SUGCT: variants seen among roughly 807,000 people sequenced by gnomAD.
The protein encoded by SUGCT is succinyl-CoA:glutarate CoA-transferase.
SUGCT carries 41 observed loss-of-function variants against 55.0 expected under a neutral mutation model. The ratio of observed to expected loss-of-function variants is 0.74; its 90% CI spans 0.58 to 0.97. The LOEUF (loss-of-function observed/expected upper bound fraction) is 0.97, where lower values mean the gene tolerates loss of function less well. SUGCT is among the 50% of genes least tolerant of loss of function. The probability of loss-of-function intolerance (pLI) is 0.00; values close to 1 mark genes in which losing one functional copy is unlikely to be tolerated. For synonymous variants in SUGCT, 187 were observed against 200.4 expected, an observed-to-expected ratio of 0.93 and a Z score of 0.56; for missense variants, 568 against 547.8, an observed-to-expected ratio of 1.04 and a Z score of -0.37.
chr7:40,944,550 T>C, the SUGCT span, among the ~76,000 whole-genome samples: 2 of 152,140 alleles, frequency 1.3e-5, no homozygotes, highest in Admixed American at 1.3e-4. Context: ...CCTTTCCCCA[T>C]TGCTTGTTTT....
At chr7:40,767,842 A>G (rs1367258170) in intron 13 of SUGCT, among the ~76,000 whole-genome samples, 3 of 152,224 alleles carry the variant, frequency 2.0e-5, no homozygotes, top group Non-Finnish European at 4.4e-5. Flanking sequence ...TTTAAGAAAG[A>G]AAAAGCCAAG....
At chr7:40,248,089 G>A (rs1416016082) in intron 7 of SUGCT, among the ~76,000 whole-genome samples, 1 of 147,438 alleles carries the variant, frequency 6.8e-6, no homozygotes, top group Non-Finnish European at 1.5e-5. Context: ...TCGGCTCACT[G>A]TAACCTCTGC....
chr7:40,576,809 C>G (rs1796794895), intron 12 of SUGCT, among the ~76,000 whole-genome samples: 2 of 152,262 alleles, frequency 1.3e-5, no homozygotes, highest in East Asian at 3.9e-4. Context: ...AAGGCCTGGT[C>G]CCTGCCTCCT....
intron 12 of SUGCT, among the ~76,000 whole-genome samples, chr7:40,575,801 C>T (rs111624005): frequency 2.0e-5 from 3 of 151,578 alleles, no homozygotes; most frequent in East Asian, 1.9e-4. Flanking sequence ...CAGAATTAGC[C>T]GGGTGTGGTG....
At chr7:40,606,483 T>C (rs1562895738) in intron 12 of SUGCT, among the ~76,000 whole-genome samples, 1 of 152,142 alleles carries the variant, frequency 6.6e-6, no homozygotes, top group African/African-American at 2.4e-5. Context: ...GGAAGCGTCT[T>C]TGTGTGGAAT....
At chr7:40,166,313 G>C (rs2150663555) in intron 1 of SUGCT, among the ~76,000 whole-genome samples, 1 of 152,294 alleles carries the variant, frequency 6.6e-6, no homozygotes, top group Non-Finnish European at 1.5e-5. Context: ...ATATAGTAGA[G>C]CAGGGAGTCG....
At chr7:40,881,379 A>G in the SUGCT span, among the ~76,000 whole-genome samples, 1 of 152,148 alleles carries the variant, frequency 6.6e-6, no homozygotes, top group African/African-American at 2.4e-5. Flanking sequence ...CATGAATAGA[A>G]AAGCAATTCT....
At chr7:40,561,801 C>G (rs971377050) in intron 12 of SUGCT, among the ~76,000 whole-genome samples, 6 of 149,450 alleles carry the variant, frequency 4.0e-5, no homozygotes, top group African/African-American at 7.4e-5. Flanking sequence ...AAGCGATTCT[C>G]CTGCCTCAGC....
intron 1 of SUGCT, among the ~76,000 whole-genome samples, chr7:40,157,934 C>T (rs148407792): frequency 2.6e-5 from 4 of 152,280 alleles, no homozygotes; most frequent in African/African-American, 9.6e-5. Context: ...TGGGGCCAGG[C>T]ACAGTTGCTC....
At chr7:40,255,045 G>A (rs970893729) in intron 7 of SUGCT, among the ~76,000 whole-genome samples, 4 of 151,166 alleles carry the variant, frequency 2.6e-5, no homozygotes, top group Non-Finnish European at 5.9e-5. Context: ...TGGCCAACAT[G>A]GAGAAACCCC....
At chr7:40,806,050 G>C (rs1791071969) in intron 13 of SUGCT, among the ~76,000 whole-genome samples, 1 of 152,226 alleles carries the variant, frequency 6.6e-6, no homozygotes, top group South Asian at 2.1e-4. Flanking sequence ...CAAATATCAA[G>C]CATCCAAGTG....
intron 13 of SUGCT, among the ~76,000 whole-genome samples, chr7:40,800,241 G>C (rs1354273540): frequency 6.6e-6 from 1 of 151,308 alleles, no homozygotes; most frequent in African/African-American, 2.4e-5. Context: ...AGTGGCTGTG[G>C]TCTGAGGCAG....
intron 9 of SUGCT, among the ~76,000 whole-genome samples, chr7:40,378,686 T>C (rs550479797): frequency 1.4e-4 from 22 of 152,240 alleles, no homozygotes; most frequent in Non-Finnish European, 3.1e-4. Flanking sequence ...TTGGCCAGGC[T>C]GTTCTGGAAC....
intron 9 of SUGCT, among the ~76,000 whole-genome samples, chr7:40,382,083 G>A (rs12670267): frequency 0.13 from 20,378 of 151,422 alleles, 1,735 homozygotes; most frequent in East Asian, 0.48. Context: ...ACTAAACAGC[G>A]CTGTTTTTAT....
chr7:40,940,722 G>A, the SUGCT span, among the ~76,000 whole-genome samples: 1,993 of 152,090 alleles, frequency 0.013, 45 homozygotes, highest in African/African-American at 0.044. Flanking sequence ...GTTTGTATAC[G>A]TTGATTTTGT....
chr7:40,446,869 C>T (rs1788867359), intron 9 of SUGCT, among the ~76,000 whole-genome samples: 1 of 152,116 alleles, frequency 6.6e-6, no homozygotes, highest in African/African-American at 2.4e-5. Context: ...ATACAGTAGC[C>T]ACTAGCCACA....
At chr7:40,463,619 G>A (rs1789937222) in intron 11 of SUGCT, among the ~76,000 whole-genome samples, 1 of 152,134 alleles carries the variant, frequency 6.6e-6, no homozygotes, top group South Asian at 2.1e-4. Flanking sequence ...CTCTGAGGGC[G>A]ATCAGCCTCA....
chr7:40,156,038 G>A (rs185362714), intron 1 of SUGCT, among the ~76,000 whole-genome samples: 36 of 152,030 alleles, frequency 2.4e-4, no homozygotes, highest in Non-Finnish European at 4.4e-4. Context: ...TGTGTTTTTA[G>A]TAGGGACGGG....
the SUGCT span, among the ~76,000 whole-genome samples, chr7:41,015,717 T>C: frequency 4.6e-5 from 7 of 152,206 alleles, no homozygotes; most frequent in Admixed American, 3.9e-4. Flanking sequence ...CTTCAGACAA[T>C]GAGCAGACCC....
Sources: allele counts gnomAD v4.1 joint callset (sites outside exome capture counted in the v4.1 genomes callset), GRCh38; gene constraint gnomAD v4.1.1; transcripts MANE v1.5; gene names NCBI Gene and HGNC (gene_info 2026-07-23, HGNC 2026-07-21).